NUP160: variants seen among roughly 807,000 people sequenced by gnomAD.
The protein encoded by NUP160 is nuclear pore complex protein Nup160.
NUP160 carries 94 observed loss-of-function variants against 196.9 expected under a neutral mutation model. That is an observed-to-expected ratio of 0.48 (90% CI 0.40 to 0.57). NUP160 has a LOEUF of 0.57. Ranked by LOEUF, NUP160 falls within the 20% of genes least tolerant of loss-of-function variation. NUP160 has a pLI of 0.00. For missense variants in NUP160, 1,638 were observed against 1,748.3 expected (o/e 0.94, Z 1.13); for synonymous variants, 605 against 619.7 (o/e 0.98, Z 0.35).
In NUP160 at chr11:47,785,103, T is replaced by TTTTTTTTTTTTTTG; in HGVS notation, c.3849-41_3849-40insCAAAAAAAAAAAAA. On this transcript the variant is annotated intron_variant, in intron 32 of 35. Coordinates refer to ENST00000378460, the Ensembl canonical transcript of NUP160. ...AAATGACTAATGAGTTTCAGATTCT[T>TTTTTTTTTTTTTTG]AATAGCTATTTAGAGTACCATTCAA... 7.0e-5 allele frequency: 76 copies of TTTTTTTTTTTTTTG among 1,086,506 alleles called. 4 individuals are homozygous for TTTTTTTTTTTTTTG. Among genetic ancestry groups the TTTTTTTTTTTTTTG allele is most frequent in the South Asian group, 2.9e-4 (15 of 51,694 alleles). The allele number at this position is 1,086,506 out of a possible 1,614,324, so 67.3% of individuals were successfully genotyped here.
chr11:47,837,492 G>A, intron 5 of NUP160, 53 bp downstream of exon 5: 3 of 1,377,572 alleles, frequency 2.2e-6, no homozygotes, highest in Non-Finnish European at 3.1e-6. Context: ...GCCGACCAGT[G>A]CAAAAAGATT....
At chr11:47,816,110 C>T (rs527382626) in intron 11 of NUP160, 81 bp from the exon 12 acceptor site, 2 of 911,750 alleles carry the variant, frequency 2.2e-6, no homozygotes, top group Non-Finnish European at 3.5e-6. Context: ...GACATAGAGG[C>T]AATATAAAAC....
intron 23 of NUP160, among the ~76,000 whole-genome samples, chr11:47,799,881 T>A (rs1465877870): frequency 6.6e-6 from 1 of 152,166 alleles, no homozygotes; most frequent in Admixed American, 6.5e-5. Context: ...TCTAGTGACA[T>A]CATAGCCACC....
exon 36 of NUP160, chr11:47,778,971 T>C (rs1355989437): frequency 1.5e-6 from 1 of 674,578 alleles, no homozygotes; most frequent in African/African-American, 1.8e-5. Flanking sequence ...TCCTATCTTG[T>C]GCAGAATGCA....
rs372895103 is a variant in NUP160, at chr11:47,814,774, C to G, written c.1686+705G>C. On this transcript the variant is annotated intron_variant, in intron 13 of 35. Coordinates refer to ENST00000378460, the Ensembl canonical transcript of NUP160. ...TTAAGGATATTTAAGGATAAAGGAG[C>G]ATGATATCTACAACTAACTTCTCAG... Among the ~76,000 whole-genome samples the G allele has an allele frequency of 1.0e-3, 152 of 152,162 alleles. 1 individual carries two copies. Among genetic ancestry groups the G allele is most frequent in the Non-Finnish European group, 1.7e-3 (114 of 68,024 alleles).
chr11:47,811,937 T>C (rs1184237317), intron 17 of NUP160, 127 bp downstream of exon 17: 1 of 735,480 alleles, frequency 1.4e-6, no homozygotes, highest in Non-Finnish European at 2.3e-6. Flanking sequence ...AGGCCAAGCT[T>C]GGGAGAATAA....
chr11:47,779,103 A>C, exon 36 of NUP160: 1 of 1,611,276 alleles, frequency 6.2e-7, no homozygotes, highest in Non-Finnish European at 8.5e-7. Context: ...TGACAATCCA[A>C]ATCACAAGGT....
chr11:47,808,560 G>C, intron 17 of NUP160, 31 bp from the exon 18 acceptor site: 2 of 1,594,554 alleles, frequency 1.3e-6, no homozygotes, highest in South Asian at 1.1e-5. Context: ...GACCAGACAA[G>C]AAATTATAGC....
chr11:47,837,477 T>C, intron 5 of NUP160, 68 bp downstream of exon 5: 3 of 1,191,284 alleles, frequency 2.5e-6, no homozygotes, highest in Non-Finnish European at 3.7e-6. Context: ...CTGGAAACAA[T>C]AACTGCCGAC....
At chr11:47,781,001 C>T (rs978076112) in intron 34 of NUP160, among the ~76,000 whole-genome samples, 7 of 151,596 alleles carry the variant, frequency 4.6e-5, no homozygotes, top group Non-Finnish European at 1.0e-4. Context: ...CCGAGGTGGG[C>T]GGATCACAAG....
chr11:47,821,352 CT>C (rs763021512), intron 9 of NUP160: 183 of 94,962 alleles, frequency 1.9e-3, no homozygotes, highest in Non-Finnish European at 2.6e-3. Flanking sequence ...GCTCCCTTGT[CT>C]TTTTTTTTTT....
At chr11:47,824,006 T>TGC (rs1437288245) in intron 7 of NUP160, among the ~76,000 whole-genome samples, 14 of 98,902 alleles carry the variant, frequency 1.4e-4, no homozygotes, top group African/African-American at 4.5e-4. Flanking sequence ...TCAATTCTTT[T>TGC]GCATATATAT....
intron 7 of NUP160, among the ~76,000 whole-genome samples, chr11:47,831,260 C>A (rs1445127280): frequency 6.6e-6 from 1 of 152,122 alleles, no homozygotes; most frequent in Non-Finnish European, 1.5e-5. Flanking sequence ...TAAAAAGATG[C>A]TTGGCATCAT....
At chr11:47,795,098 A>G (rs1462642102) in intron 27 of NUP160, among the ~76,000 whole-genome samples, 1 of 149,266 alleles carries the variant, frequency 6.7e-6, no homozygotes, top group Admixed American at 6.7e-5. Context: ...AGACTGTCTC[A>G]AAAAAAAAAG....
exon 7 of NUP160, chr11:47,835,688 T>C: frequency 1.2e-6 from 2 of 1,602,384 alleles, no homozygotes; most frequent in Non-Finnish European, 1.7e-6. Context: ...TATCCCCAGG[T>C]AGAGTCCCAT....
intron 23 of NUP160, 37 bp from the exon 24 acceptor site, chr11:47,798,500 TA>T (rs1198920607): frequency 8.8e-7 from 1 of 1,136,718 alleles, no homozygotes; most frequent in African/African-American, 1.5e-5. Flanking sequence ...TTAAAATTAA[TA>T]TTGTAATGTA....
chr11:47,780,354 G>C, exon 35 of NUP160: 3 of 1,611,836 alleles, frequency 1.9e-6, no homozygotes, highest in Non-Finnish European at 2.5e-6. Context: ...GCGATGTTGT[G>C]ACTGTTGGCA....
intron 20 of NUP160, among the ~76,000 whole-genome samples, chr11:47,805,601 G>A (rs1391742359): frequency 1.3e-5 from 2 of 151,700 alleles, no homozygotes; most frequent in African/African-American, 4.8e-5. Flanking sequence ...CTGCCACCAT[G>A]CCTGGCTAAT....
intron 6 of NUP160, 106 bp from the exon 7 acceptor site, chr11:47,835,915 T>C: frequency 1.1e-6 from 1 of 913,314 alleles, no homozygotes; most frequent in South Asian, 2.2e-5. Flanking sequence ...CTCTATCTAG[T>C]TTATCTGCTA....
Sources: allele counts gnomAD v4.1 joint callset (sites outside exome capture counted in the v4.1 genomes callset), GRCh38; gene constraint gnomAD v4.1.1; transcripts MANE v1.5; gene names NCBI Gene and HGNC (gene_info 2026-07-23, HGNC 2026-07-21).